The following UPB1 variants were observed in gnomAD, a reference collection of about 807,000 sequenced individuals.
UPB1 encodes the protein beta-ureidopropionase.
UPB1 carries 40 observed loss-of-function variants against 49.1 expected under a neutral mutation model. That is an observed-to-expected ratio of 0.81 (90% CI 0.63 to 1.06). UPB1 has a LOEUF of 1.06. UPB1 is among the 50% of genes least tolerant of loss of function. UPB1 has a pLI of 0.00. For missense variants in UPB1, 499 were observed against 505.9 expected (o/e 0.99, Z 0.13); for synonymous variants, 207 against 198.2 (o/e 1.04, Z -0.38).
chr22:24,522,551 G>T (rs921353695), intron 8 of UPB1, among the ~76,000 whole-genome samples: 59 of 152,014 alleles, frequency 3.9e-4, no homozygotes, highest in African/African-American at 1.4e-3. Flanking sequence ...AATGAGGGAG[G>T]TAGGGACTGC....
At chr22:24,520,227 G>C in intron 6 of UPB1, 160 bp from the exon 7 acceptor site, 2 of 788,166 alleles carry the variant, frequency 2.5e-6, no homozygotes, top group Middle Eastern at 5.5e-4. Context: ...GAGTCTCCTG[G>C]TTGTCCCCAC....
chr22:24,506,800 T>C (rs1468514371), intron 3 of UPB1, among the ~76,000 whole-genome samples: 1 of 152,218 alleles, frequency 6.6e-6, no homozygotes, highest in Admixed American at 6.5e-5. Context: ...AAATTAGTAT[T>C]GGCTGGATAG....
chr22:24,522,018 T>C lies in UPB1; in HGVS notation c.906T>C (p.Asp302=), dbSNP rs928413622. The change falls in exon 8 of 10, where the codon GAT becomes GAC. Residue 302 remains aspartate (D), a synonymous_variant. Transcript: ENST00000326010. ...TCCCGAACGAGTTTACCTCGGGAGA[T>C]GGAAAGAAAGGTATGTCCCATGAAC... ...EHFPNEFTSG[D]GKKAHQDFGY... 5 of 1,613,916 alleles carry C rather than the reference T, an allele frequency of 3.1e-6. No individual in the cohort carries two copies. In the African/African-American group the frequency reaches 5.3e-5, roughly 17 times the overall value.
intron 4 of UPB1, among the ~76,000 whole-genome samples, chr22:24,512,615 C>T (rs2044225782): frequency 6.6e-6 from 1 of 152,018 alleles, no homozygotes; most frequent in Non-Finnish European, 1.5e-5. Flanking sequence ...AAAGTATATT[C>T]ACACTGTGCG....
chr22:24,511,759 G>A (rs868649630), intron 4 of UPB1, among the ~76,000 whole-genome samples: 23 of 137,588 alleles, frequency 1.7e-4, no homozygotes, highest in Admixed American at 3.0e-4. Context: ...GACTACAGGC[G>A]CCCGCCACCA....
At position 24,525,759 on chromosome 22, in the gene UPB1, A is replaced by G; in HGVS notation, c.1120A>G (p.Lys374Glu). 6.2e-7 allele frequency: 1 copy of G among 1,614,202 alleles called. No individual in the cohort carries two copies. Among genetic ancestry groups the G allele is most frequent in the Non-Finnish European group, 8.5e-7 (1 of 1,180,032 alleles). ...CGCACGGGAGCTCGCCGAAGCTGTC[A>G]AGTCCAACTACAGCCCCACCATCGT... ...MYARELAEAV[K>E]SNYSPTIVKE Residue 374 changes from lysine (K) to glutamate (E), a missense_variant, in exon 10 of 10, where the codon AAG becomes GAG. Lys to Glu is a moderately conservative substitution (Grantham distance 56). Coordinates refer to ENST00000326010, the MANE Select transcript of UPB1 (RefSeq NM_016327.3).
Position 24,515,289 on chromosome 22 carries a change from A to AC in UPB1, c.712dup (p.His238ProfsTer14). 1 of 1,614,150 alleles carries AC rather than the reference A, an allele frequency of 6.2e-7. No homozygotes were observed. The highest frequency in any genetic ancestry group is 2.2e-5 in the East Asian group (1 of 44,862). On this transcript the variant is annotated frameshift_variant, in exon 6 of 10. Coordinates refer to ENST00000326010, the MANE Select transcript of UPB1 (RefSeq NM_016327.3). LOFTEE classifies it high-confidence loss of function. Reference sequence around the variant, plus strand: ...GCGGTGAACATTTGCTACGGGCGGCACCACCCCCTCAACTGGCTTATGTAC... The same window carrying AC: ...GCGGTGAACATTTGCTACGGGCGGCACCCACCCCCTCAACTGGCTTATGTAC...
intron 5 of UPB1, 102 bp from the exon 6 acceptor site, chr22:24,515,099 G>T: frequency 6.8e-7 from 1 of 1,465,556 alleles, no homozygotes; most frequent in South Asian, 1.1e-5. Flanking sequence ...ACACTCAGGA[G>T]TGTAACCACC....
rs760831055 is a variant in UPB1 at position 24,500,130 on chromosome 22, CT to C, written c.131del (p.Phe44SerfsTer23). 1 of 1,614,212 alleles carries C rather than the reference CT, an allele frequency of 6.2e-7. No homozygotes were observed. Among genetic ancestry groups the C allele is most frequent in the East Asian group, 2.2e-5 (1 of 44,888 alleles). On this transcript the variant is annotated frameshift_variant, in exon 2 of 10. Coordinates refer to ENST00000326010, the MANE Select transcript of UPB1 (RefSeq NM_016327.3). LOFTEE classifies it high-confidence loss of function. ...AGGAAGCTTGATCTGCCCAGGGAAG[CT>C]TTCGAAGCTGCCTCCAGAGAAGACT... is the stretch of plus-strand genomic sequence containing the variant. ...ELRKLDLPRE[A>X]FEAASREDFE...
Position 24,523,729 on chromosome 22 carries a change from G to A in UPB1, c.1027G>A (p.Asp343Asn), listed in dbSNP as rs137995678. The change falls in exon 9 of 10, where the codon GAC becomes AAC. Residue 343 changes from aspartate (D) to asparagine (N), a missense_variant. Physicochemically the swap from Asp to Asn is conservative, Grantham distance 23. Coordinates refer to ENST00000326010, the MANE Select transcript of UPB1 (RefSeq NM_016327.3). ...SRDGLLVAKL[D>N]LNLCQQVNDV... is the part of the protein sequence containing the mutation. ...GGATGGACTGCTAGTTGCTAAGCTC[G>A]ACCTAAACCTCTGCCAGCAGGTGAA... 4.5e-5 allele frequency: 72 copies of A among 1,614,154 alleles called. No homozygotes were observed. The highest frequency in any genetic ancestry group is 5.8e-5 in the Non-Finnish European group (69 of 1,180,068).
At chr22:24,507,403 G>A (rs1467380544) in intron 3 of UPB1, among the ~76,000 whole-genome samples, 1 of 152,016 alleles carries the variant, frequency 6.6e-6, no homozygotes, top group Non-Finnish European at 1.5e-5. Context: ...TATTTACTGT[G>A]GTACTCTCTT....
rs917981120 is a variant in UPB1 at position 24,497,844 on chromosome 22, G to A, written c.105-2263G>A. 6.6e-5 allele frequency among the ~76,000 whole-genome samples: 10 copies of A among 152,270 alleles called. No individual in the cohort carries two copies. The East Asian group carries it at 1.9e-3, about 29-fold the overall frequency. ...AAAAAGGAGAAGGGTCTGTGTGTCT[G>A]TTTCCCCAAAGGTCTGTGGGCCTGG... On this transcript the variant is annotated intron_variant, in intron 1 of 9. Transcript: ENST00000326010.
intron 9 of UPB1, among the ~76,000 whole-genome samples, chr22:24,523,991 T>G (rs1286124329): frequency 1.3e-5 from 2 of 152,256 alleles, no homozygotes; most frequent in African/African-American, 4.8e-5. Flanking sequence ...CAATAAATTC[T>G]CCTCTCATCT....
Position 24,510,810 on chromosome 22 carries a change from AGAG to A in UPB1, c.429_431del (p.Glu143del). 6.2e-7 allele frequency: 1 copy of A among 1,614,222 alleles called. No individual in the cohort carries two copies. The highest frequency in any genetic ancestry group is 2.2e-5 in the East Asian group (1 of 44,892). Reference sequence around the variant, plus strand: ...CTTGGACAGAATTTGCTGAGTCAGCAGAGGATGGGCCCACCACCAGATTCTGTC... The same window carrying A: ...CTTGGACAGAATTTGCTGAGTCAGCAGATGGGCCCACCACCAGATTCTGTC... On this transcript the variant is annotated inframe_deletion, in exon 4 of 10. Transcript: ENST00000326010.
chr22:24,511,473 A>G (rs2044200461), intron 4 of UPB1, among the ~76,000 whole-genome samples: 3 of 152,038 alleles, frequency 2.0e-5, no homozygotes, highest in African/African-American at 7.2e-5. Flanking sequence ...AAGGTTGCAC[A>G]ACTCTGTGAA....
intron 3 of UPB1, among the ~76,000 whole-genome samples, chr22:24,506,428 G>A (rs1005092790): frequency 5.9e-5 from 9 of 152,204 alleles, no homozygotes; most frequent in Non-Finnish European, 7.3e-5. Flanking sequence ...CTTTGGATAA[G>A]CAGGAGATCT....
rs1472620332 is a variant in UPB1, at chr22:24,527,231, C to A, written c.*1437C>A. 6.6e-6 allele frequency: 1 copy of A among 152,392 alleles called. No homozygotes were observed. The highest frequency in any genetic ancestry group is 1.5e-5 in the Non-Finnish European group (1 of 68,132). 9.4% of individuals were successfully genotyped at this position (152,392 alleles called of 1,614,324 possible). ...ATTAGCTGGGCATGGTGGCGCATGC[C>A]TATAATCCCAGCTACTCAGCAGGCT... is the stretch of plus-strand genomic sequence containing the variant. On this transcript the variant is annotated 3_prime_UTR_variant, in exon 10 of 10. Coordinates refer to ENST00000326010, the MANE Select transcript of UPB1 (RefSeq NM_016327.3).
At position 24,502,158 on chromosome 22, in the gene UPB1, C is replaced by G; in HGVS notation, c.309C>G (p.Ile103Met). The G allele has an allele frequency of 6.2e-7, 1 of 1,614,152 alleles. No individual in the cohort carries two copies. Among genetic ancestry groups the G allele is most frequent in the Middle Eastern group, 1.6e-4 (1 of 6,062 alleles). ...VSALHRRIKAIVEVAAMCGVN... is the reference protein window; with the variant it reads ...VSALHRRIKAMVEVAAMCGVN... ...CCCTTCATAGACGCATAAAGGCTAT[C>G]GTAGAGGTGGCTGCAATGTGTGGAG... The change falls in exon 3 of 10, where the codon ATC becomes ATG. Residue 103 changes from isoleucine to methionine, a missense_variant. Physicochemically the swap from Ile to Met is conservative, Grantham distance 10 (BLOSUM62 1). Transcript: ENST00000326010.
chr22:24,500,190 A>T lies in UPB1; in HGVS notation c.188A>T (p.Glu63Val), dbSNP rs200770352. The T allele has an allele frequency of 9.3e-6, 15 of 1,614,222 alleles. No homozygotes were observed. The Admixed American group carries it at 1.5e-4, about 16-fold the overall frequency. The change falls in exon 2 of 10, where the codon GAG (glutamate) becomes GTG (valine). Residue 63 changes from glutamate to valine, a missense_variant. Glu to Val is a moderately radical substitution (Grantham distance 121, BLOSUM62 -2). Coordinates refer to ENST00000326010, the MANE Select transcript of UPB1 (RefSeq NM_016327.3). ...CAGGGATATGCCTTTGAAGCAGCGGAGGAGCAGCTGAGACGACCCCGCATT... is the reference window on the plus strand; with the variant it reads ...CAGGGATATGCCTTTGAAGCAGCGGTGGAGCAGCTGAGACGACCCCGCATT... The part of the protein sequence containing the change: ...ELQGYAFEAA[E>V]EQLRRPRIVH...
Sources: gnomAD v4.1 joint callset for allele counts (sites outside exome capture counted in the v4.1 genomes callset) on GRCh38, gnomAD v4.1.1 for gene constraint, MANE v1.5 for transcripts, NCBI Gene and HGNC (gene_info 2026-07-23, HGNC 2026-07-21) for gene names.